Variants in MAP3K2 observed in about 807,000 individuals in gnomAD.
MAP3K2 encodes mitogen-activated protein kinase kinase kinase 2, also known as MAP/ERK kinase kinase 2.
A neutral mutation model predicts 80.3 loss-of-function variants in MAP3K2; 24 were observed. That is an observed-to-expected ratio of 0.30 (90% confidence interval 0.22 to 0.42). The LOEUF is 0.42. Ranked by LOEUF, MAP3K2 falls within the 10% of genes least tolerant of loss-of-function variation. The probability of loss-of-function intolerance (pLI) is 1.00; values close to 1 mark genes in which losing one functional copy is unlikely to be tolerated. For synonymous variants in MAP3K2, 244 were observed against 253.7 expected (o/e 0.96, Z 0.36); for missense variants, 608 against 750.1 (o/e 0.81, Z 2.21).
At chr2:127,324,633 T>C (rs1235247903) in intron 9 of MAP3K2, among the ~76,000 whole-genome samples, 1 of 152,214 alleles carries the variant, frequency 6.6e-6, no homozygotes, top group Non-Finnish European at 1.5e-5. Context: ...TTGCAAATGG[T>C]AAGTACTCAA....
chr2:127,375,156 A>G (rs1687128146), intron 1 of MAP3K2, among the ~76,000 whole-genome samples: 1 of 152,240 alleles, frequency 6.6e-6, no homozygotes, highest in South Asian at 2.1e-4. Context: ...ACACCCCCTC[A>G]GGTCCTCTTT....
intron 1 of MAP3K2, among the ~76,000 whole-genome samples, chr2:127,361,515 C>CA (rs1181444108): frequency 6.6e-6 from 1 of 152,060 alleles, no homozygotes; most frequent in Non-Finnish European, 1.5e-5. Context: ...TGAATGATCA[C>CA]ACTCCACATA....
chr2:127,378,824 C>T (rs182008365), intron 1 of MAP3K2, among the ~76,000 whole-genome samples: 5 of 152,062 alleles, frequency 3.3e-5, no homozygotes, highest in East Asian at 3.9e-4. Flanking sequence ...CGGAAAGCAG[C>T]GGCATGATCA....
intron 1 of MAP3K2, among the ~76,000 whole-genome samples, chr2:127,352,944 G>A (rs1250915318): frequency 2.6e-5 from 4 of 152,116 alleles, no homozygotes; most frequent in African/African-American, 9.7e-5. Flanking sequence ...CAAGTGATCC[G>A]CCAGCCTCGG....
chr2:127,341,082 C>T (rs557721351), intron 2 of MAP3K2, among the ~76,000 whole-genome samples: 7 of 151,568 alleles, frequency 4.6e-5, no homozygotes, highest in East Asian at 3.9e-4. Flanking sequence ...CTCCACTTCC[C>T]GGGTTCACAC....
intron 2 of MAP3K2, among the ~76,000 whole-genome samples, chr2:127,342,388 GGTGTGTGTGTGTGTGT>G (rs56300936): frequency 4.1e-5 from 6 of 147,744 alleles, no homozygotes; most frequent in African/African-American, 1.3e-4. Flanking sequence ...TCTTCATGAG[GGTGTGTGTGTGTGTGT>G]GTGTGTGTGT....
Position 127,306,162 on chromosome 2 carries a change from A to ATCAC in MAP3K2, c.*1413_*1416dup, listed in dbSNP as rs1225763724. ...TTGTAAAATCCTCAATTTGCATTAC[A>ATCAC]TCACTTTCTCTTTGCGACTTCCTTT... On this transcript the variant is annotated 3_prime_UTR_variant, in exon 17 of 17. Transcript: ENST00000682094. This position sits in a 1 kb window ranked among gnomAD's most constrained non-coding sequence, Gnocchi z 4.7. 1.3e-5 allele frequency: 2 copies of ATCAC among 152,096 alleles called. No homozygotes were observed. The highest frequency in any genetic ancestry group is 2.9e-5 in the Non-Finnish European group (2 of 68,004). The allele number at this position is 152,096 out of a possible 1,614,324, so 9.4% of individuals were successfully genotyped here.
rs1685892114 is a variant in MAP3K2, at chr2:127,315,870, A to G, written c.1327-987T>C. ...GAGGCTGAGGCGGGCAGATCACCTG[A>G]GGTCAGGAGTTCGAGACCAGCCTAG... On this transcript the variant is annotated intron_variant, in intron 14 of 16. Coordinates refer to ENST00000682094, the MANE Select transcript of MAP3K2 (RefSeq NM_001371910.2). 2.6e-5 allele frequency among the ~76,000 whole-genome samples: 4 copies of G among 152,134 alleles called. No individual in the cohort carries two copies. In the South Asian group the frequency reaches 8.3e-4, roughly 31 times the overall value.
chr2:127,324,503 G>A, intron 9 of MAP3K2, among the ~76,000 whole-genome samples: 1 of 152,206 alleles, frequency 6.6e-6, no homozygotes, highest in East Asian at 1.9e-4. Flanking sequence ...TAAGCACTGT[G>A]TTTCAATCCA....
At position 127,301,785 on chromosome 2, in the gene MAP3K2, TCCTC is replaced by T. The variant is rs1685597498; in HGVS notation, c.*5790_*5793del. 1 of 152,126 alleles carries T rather than the reference TCCTC, an allele frequency of 6.6e-6. No individual in the cohort carries two copies. The highest frequency in any genetic ancestry group is 2.1e-4 in the South Asian group (1 of 4,826). 9.4% of individuals were successfully genotyped at this position (152,126 alleles called of 1,614,324 possible). A position where few individuals can be genotyped will look rare whatever the true frequency, so the allele number is the denominator to read the frequency against. On this transcript the variant is annotated 3_prime_UTR_variant, in exon 17 of 17. Coordinates refer to ENST00000682094, the MANE Select transcript of MAP3K2 (RefSeq NM_001371910.2). ...TTCTTTTCTTTACTGTAGCTATGACTCCTCCCTCATCTTTCTGAAGCTCAACCTT... is the reference window on the plus strand; with the variant it reads ...TTCTTTTCTTTACTGTAGCTATGACTCCTCATCTTTCTGAAGCTCAACCTT...
chr2:127,361,813 G>A (rs1686898794), intron 1 of MAP3K2, among the ~76,000 whole-genome samples: 1 of 152,180 alleles, frequency 6.6e-6, no homozygotes, highest in Non-Finnish European at 1.5e-5. Flanking sequence ...ATAGGGACCT[G>A]GGTTCAAAAC....
Position 127,307,462 on chromosome 2 carries a change from C to G in MAP3K2, c.*117G>C. 1 of 513,246 alleles carries G rather than the reference C, an allele frequency of 1.9e-6. No individual in the cohort carries two copies. The allele number at this position is 513,246 out of a possible 1,614,324, so 31.8% of individuals were successfully genotyped here. ...ACCAAGAATCAAGAGAAATACTTTC[C>G]CTCTTGTCTTTTTTCTCCCCCATCT... On this transcript the variant is annotated 3_prime_UTR_variant, in exon 17 of 17. Transcript: ENST00000682094. The surrounding 1 kb of genome is among the most constrained non-coding windows in gnomAD (Gnocchi z 5.4).
At chr2:127,348,564 T>G (rs184342598) in intron 1 of MAP3K2, among the ~76,000 whole-genome samples, 2 of 152,198 alleles carry the variant, frequency 1.3e-5, no homozygotes, top group Non-Finnish European at 2.9e-5. Context: ...GAAAGTAGAT[T>G]AGTGATTTCC....
At chr2:127,355,331 G>A (rs1185961323) in intron 1 of MAP3K2, among the ~76,000 whole-genome samples, 17 of 152,100 alleles carry the variant, frequency 1.1e-4, no homozygotes, top group Admixed American at 1.0e-3. Context: ...TAATGCAAAC[G>A]AGAAGACAGA....
Position 127,387,442 on chromosome 2 carries a change from A to G in MAP3K2, c.-66+10T>C. The G allele has an allele frequency of 2.1e-6, 2 of 965,964 alleles. No homozygotes were observed. The highest frequency in any genetic ancestry group is 1.2e-6 in the Non-Finnish European group (1 of 822,932). 59.8% of individuals were successfully genotyped at this position (965,964 alleles called of 1,614,324 possible). A position where few individuals can be genotyped will look rare whatever the true frequency, so the allele number is the denominator to read the frequency against. ...CACACAAGCGCGCGCGCACGCACAC[A>G]CGCACGTACCGGCTGCTCCGCAGGG... On this transcript the variant is annotated intron_variant, in intron 1 of 16. Coordinates refer to ENST00000682094, the MANE Select transcript of MAP3K2 (RefSeq NM_001371910.2).
intron 1 of MAP3K2, among the ~76,000 whole-genome samples, chr2:127,373,552 A>AT (rs1687101180): frequency 6.6e-6 from 1 of 152,242 alleles, no homozygotes; most frequent in Non-Finnish European, 1.5e-5. Flanking sequence ...TCTCCTAGGT[A>AT]TTTAACTCCT....
intron 5 of MAP3K2, among the ~76,000 whole-genome samples, chr2:127,335,121 A>T (rs1246730492): frequency 2.0e-5 from 3 of 152,152 alleles, no homozygotes; most frequent in Non-Finnish European, 4.4e-5. Flanking sequence ...CTCATTTATT[A>T]ATGGTTTGCT....
intron 7 of MAP3K2, among the ~76,000 whole-genome samples, chr2:127,327,264 T>A (rs1234419870): frequency 6.6e-6 from 1 of 152,196 alleles, no homozygotes; most frequent in Non-Finnish European, 1.5e-5. Flanking sequence ...TAAGTTCTGG[T>A]CCAATTTAAA....
At chr2:127,340,711 G>T (rs1216880612) in intron 2 of MAP3K2, among the ~76,000 whole-genome samples, 1 of 151,348 alleles carries the variant, frequency 6.6e-6, no homozygotes, top group Non-Finnish European at 1.5e-5. Context: ...AGGGATAGAT[G>T]AACTCTAATT....
Sources: gnomAD v4.1 joint callset for allele counts (sites outside exome capture counted in the v4.1 genomes callset) on GRCh38, gnomAD v4.1.1 for gene constraint, Gnocchi (gnomAD v3.1) non-coding constraint, MANE v1.5 for transcripts, NCBI Gene and HGNC (gene_info 2026-07-23, HGNC 2026-07-21) for gene names.